The following PDE6B variants were observed in gnomAD, a reference collection of about 807,000 sequenced individuals.
PDE6B encodes rod cGMP-specific 3',5'-cyclic phosphodiesterase subunit beta.
Under a neutral mutation model 109.0 loss-of-function variants are expected in PDE6B, and 106 were observed. The observed-to-expected ratio is 0.97, with a 90% CI of 0.83 to 1.14. The LOEUF (loss-of-function observed/expected upper bound fraction) is 1.14, where lower values mean the gene tolerates loss of function less well. PDE6B is among the 50% of genes most tolerant of loss of function. The probability of loss-of-function intolerance (pLI) is 0.00; values close to 1 mark genes in which losing one functional copy is unlikely to be tolerated. For missense variants in PDE6B, 1,193 were observed against 1,155.6 expected (o/e 1.03, Z -0.47); for synonymous variants, 490 against 471.3 (o/e 1.04, Z -0.51).
chr4:630,529 C>T (rs1577240106), intron 1 of PDE6B, among the ~76,000 whole-genome samples: 1 of 152,154 alleles, frequency 6.6e-6, no homozygotes, highest in Non-Finnish European at 1.5e-5. Context: ...AGTAAACATT[C>T]CCTGTGGTGT....
chr4:660,338 A>G, intron 11 of PDE6B, 129 bp from the exon 12 acceptor site: 1 of 941,294 alleles, frequency 1.1e-6, no homozygotes, highest in Non-Finnish European at 1.7e-6. Context: ...GAGCGCCAGG[A>G]ATGACACATC....
rs899017603 is a variant in PDE6B, at chr4:658,830, C to T, written c.1402-122C>T. On this transcript the variant is annotated intron_variant, in intron 10 of 21. Coordinates refer to ENST00000496514, the MANE Select transcript of PDE6B (RefSeq NM_000283.4). The stretch of plus-strand genomic sequence containing the variant: ...CAGATCAGAGGCCGCCAGGGCCTTC[C>T]CAGGGTGAAAGCACAAGCTCTTGAC... 6 of 751,784 alleles carry T rather than the reference C, an allele frequency of 8.0e-6. No individual in the cohort carries two copies. In the African/African-American group the frequency reaches 8.6e-5, roughly 11 times the overall value. The allele number at this position is 751,784 out of a possible 1,614,324, so 46.6% of individuals were successfully genotyped here. A position where few individuals can be genotyped will look rare whatever the true frequency, so the allele number is the denominator to read the frequency against.
At chr4:654,951 A>G in intron 6 of PDE6B, 63 bp downstream of exon 6, 1 of 969,272 alleles carries the variant, frequency 1.0e-6, no homozygotes, top group South Asian at 1.3e-5. Context: ...ACCCCGGCTC[A>G]GCCCCCAGGG....
intron 1 of PDE6B, among the ~76,000 whole-genome samples, chr4:630,214 G>A (rs557968546): frequency 2.2e-4 from 34 of 152,300 alleles, no homozygotes; most frequent in African/African-American, 7.0e-4. Context: ...GTCGGACAGG[G>A]AGGCCGAGGG....
intron 3 of PDE6B, among the ~76,000 whole-genome samples, chr4:646,444 T>A (rs758893087): frequency 1.9e-4 from 29 of 152,054 alleles, no homozygotes; most frequent in Non-Finnish European, 3.5e-4. Flanking sequence ...TTAGGATCAG[T>A]TTTTTGGCAT....
chr4:670,092 C>T lies in PDE6B; in HGVS notation c.2550C>T (p.Thr850=). The T allele has an allele frequency of 1.2e-6, 2 of 1,612,784 alleles. No individual in the cohort carries two copies. The highest frequency in any genetic ancestry group is 1.1e-5 in the South Asian group (1 of 91,066). Residue 850 remains threonine (T), a synonymous_variant, in exon 22 of 22, where the codon ACC becomes ACT. Transcript: ENST00000496514. ...CNGGPAPKSS[T]CCIL is the part of the protein sequence containing the mutation. ...GCGGCCCAGCACCCAAGTCTTCAAC[C>T]TGCTGTATCCTGTGAGCACTGGTCC...
intron 17 of PDE6B, 97 bp from the exon 18 acceptor site, chr4:664,784 C>T: frequency 1.1e-6 from 1 of 950,734 alleles, no homozygotes; most frequent in East Asian, 2.4e-5. Flanking sequence ...CCAGCCTGGG[C>T]AACAGAGCAA....
intron 3 of PDE6B, among the ~76,000 whole-genome samples, chr4:647,545 G>C (rs2037402515): frequency 6.6e-6 from 1 of 152,040 alleles, no homozygotes; most frequent in South Asian, 2.1e-4. Flanking sequence ...TGAAGGTGCT[G>C]ACCAGGTTCC....
intron 3 of PDE6B, among the ~76,000 whole-genome samples, chr4:639,215 G>A (rs1734834025): frequency 6.6e-6 from 1 of 151,678 alleles, no homozygotes; most frequent in South Asian, 2.1e-4. Flanking sequence ...TGCAATCATA[G>A]CTCACTGCAG....
intron 3 of PDE6B, among the ~76,000 whole-genome samples, chr4:647,503 T>C (rs1311278784): frequency 6.6e-6 from 1 of 152,048 alleles, no homozygotes; most frequent in Non-Finnish European, 1.5e-5. Flanking sequence ...GGCATTCGTT[T>C]CTGACACTTC....
chr4:659,481 CTGTGTG>C (rs748070667), intron 11 of PDE6B, among the ~76,000 whole-genome samples: 1 of 146,886 alleles, frequency 6.8e-6, no homozygotes, highest in East Asian at 2.1e-4. Context: ...ATGTGGGTGT[CTGTGTG>C]TGCACAAGTG....
chr4:670,203 C>A lies in PDE6B; in HGVS notation c.*96C>A, dbSNP rs751985732. On this transcript the variant is annotated 3_prime_UTR_variant, in exon 22 of 22. Transcript: ENST00000496514. ...TATTTGCTACAAGAGGTTAGGAAGCCCAAGAAAATGACTGAAGATCATTCT... is the reference window on the plus strand; with the variant it reads ...TATTTGCTACAAGAGGTTAGGAAGCACAAGAAAATGACTGAAGATCATTCT... 27 of 1,592,996 alleles carry A rather than the reference C, an allele frequency of 1.7e-5. No individual in the cohort carries two copies. In the East Asian group the frequency reaches 4.5e-4, roughly 26 times the overall value.
At chr4:653,693 G>T in intron 3 of PDE6B, 159 bp from the exon 4 acceptor site, 1 of 835,380 alleles carries the variant, frequency 1.2e-6, no homozygotes, top group South Asian at 1.5e-5. Context: ...CCTGGCCACG[G>T]AGCCACCAAT....
At chr4:659,809 T>C (rs1394366836) in intron 11 of PDE6B, among the ~76,000 whole-genome samples, 1 of 152,186 alleles carries the variant, frequency 6.6e-6, no homozygotes, top group East Asian at 1.9e-4. Context: ...CACATGCTTG[T>C]GTGTGTCTCC....
intron 18 of PDE6B, 35 bp downstream of exon 18, chr4:664,979 T>G: frequency 6.6e-7 from 1 of 1,518,892 alleles, no homozygotes; most frequent in Non-Finnish European, 9.1e-7. Flanking sequence ...CCAGAGTCAG[T>G]GCCTCTCAGC....
At chr4:639,230 A>C (rs1243617732) in intron 3 of PDE6B, among the ~76,000 whole-genome samples, 1 of 151,462 alleles carries the variant, frequency 6.6e-6, no homozygotes, top group African/African-American at 2.4e-5. Flanking sequence ...CTGCAGCCTC[A>C]AACTCCTGGG....
rs1312843447 is a variant in PDE6B, at chr4:634,166, C to T, written c.469-511C>T. Among the ~76,000 whole-genome samples the T allele has an allele frequency of 2.0e-5, 3 of 152,122 alleles. No homozygotes were observed. The East Asian group carries it at 5.8e-4, about 29-fold the overall frequency. On this transcript the variant is annotated intron_variant, in intron 1 of 21. Transcript: ENST00000496514. ...CTCCCACCCCGGCCTGCCAGCTGCACCTGCCCTGGTTAAAGTGTCCGACGA... is the reference window on the plus strand; with the variant it reads ...CTCCCACCCCGGCCTGCCAGCTGCATCTGCCCTGGTTAAAGTGTCCGACGA...
At chr4:668,075 C>T in intron 21 of PDE6B, 69 bp downstream of exon 21, 1 of 1,444,824 alleles carries the variant, frequency 6.9e-7, no homozygotes, top group Non-Finnish European at 9.6e-7. Flanking sequence ...AAAGACAGGG[C>T]ACAGAGCAGA....
chr4:663,049 G>A lies in PDE6B; in HGVS notation c.1833-51G>A, dbSNP rs766731706. On this transcript the variant is annotated intron_variant, in intron 14 of 21. Coordinates refer to ENST00000496514, the MANE Select transcript of PDE6B (RefSeq NM_000283.4). This position sits in a 1 kb window ranked among gnomAD's most constrained non-coding sequence, Gnocchi z 4.0. ...ATCTGGGGGGGCTGCAGAGCGCAGG[G>A]TGGGCCAAGGGCAGGTCCCACGGGC... 2 of 1,028,890 alleles carry A rather than the reference G, an allele frequency of 1.9e-6. No individual in the cohort carries two copies. The highest frequency in any genetic ancestry group is 3.4e-5 in the Admixed American group (2 of 59,324). The allele number at this position is 1,028,890 out of a possible 1,614,324, so 63.7% of individuals were successfully genotyped here. A position where few individuals can be genotyped will look rare whatever the true frequency, so the allele number is the denominator to read the frequency against.
Sources: gnomAD v4.1 joint callset for allele counts (sites outside exome capture counted in the v4.1 genomes callset) on GRCh38, gnomAD v4.1.1 for gene constraint, Gnocchi (gnomAD v3.1) non-coding constraint, MANE v1.5 for transcripts, NCBI Gene and HGNC (gene_info 2026-07-23, HGNC 2026-07-21) for gene names.